FOXP1: variants seen among roughly 807,000 people sequenced by gnomAD.
The protein encoded by FOXP1 is forkhead box P1, also known as forkhead box protein P1.
A neutral mutation model predicts 98.2 loss-of-function variants in FOXP1; 15 were observed. The ratio of observed to expected loss-of-function variants is 0.15; its 90% CI spans 0.10 to 0.24. The LOEUF (loss-of-function observed/expected upper bound fraction) is 0.24, where lower values mean the gene tolerates loss of function less well. FOXP1 is among the 10% of genes least tolerant of loss of function. FOXP1 has a pLI of 1.00. For synonymous variants in FOXP1, 371 were observed against 314.5 expected (o/e 1.18, Z -1.90); for missense variants, 633 against 848.5 (o/e 0.75, Z 3.15).
At chr3:71,566,731 A>G (rs2046940930) in intron 2 of FOXP1, among the ~76,000 whole-genome samples, 1 of 152,056 alleles carries the variant, frequency 6.6e-6, no homozygotes, top group South Asian at 2.1e-4. Context: ...GAAAAAAAGC[A>G]CTGTGCCCTC....
chr3:71,095,416 C>A (rs56841225), intron 7 of FOXP1, among the ~76,000 whole-genome samples: 2 of 151,976 alleles, frequency 1.3e-5, no homozygotes, highest in South Asian at 4.1e-4. Flanking sequence ...AATTCCAGAA[C>A]AGTTGTAGAA....
At chr3:71,196,743 A>C (rs2063325387) in intron 6 of FOXP1, among the ~76,000 whole-genome samples, 1 of 152,192 alleles carries the variant, frequency 6.6e-6, no homozygotes, top group Admixed American at 6.5e-5. Context: ...TTTGCTAACA[A>C]CCTCACTGGT....
rs869086663 is a variant in FOXP1, at chr3:71,404,120, C to CTTTTTTTTTTTTTTTTTT, written c.-167-44894_-167-44877dup. Among the ~76,000 whole-genome samples the CTTTTTTTTTTTTTTTTTT allele has an allele frequency of 1.2e-3, 75 of 62,708 alleles. 1 individual carries two copies. Among genetic ancestry groups the CTTTTTTTTTTTTTTTTTT allele is most frequent in the Admixed American group, 1.5e-3 (6 of 3,902 alleles). 41.1% of individuals were successfully genotyped at this position (62,708 alleles called of 152,430 possible). A position where few individuals can be genotyped will look rare whatever the true frequency, so the allele number is the denominator to read the frequency against. The stretch of plus-strand genomic sequence containing the variant: ...ATTGGGGTTTTTTTCTTTTCTTTTT[C>CTTTTTTTTTTTTTTTTTT]TTTTTTTTTTTTTTTTTTTTTTTTG... On this transcript the variant is annotated intron_variant, in intron 3 of 20. Coordinates refer to ENST00000649528, the MANE Select transcript of FOXP1 (RefSeq NM_001349338.3).
chr3:71,295,654 T>C (rs2073210118), intron 5 of FOXP1, among the ~76,000 whole-genome samples: 1 of 152,232 alleles, frequency 6.6e-6, no homozygotes, highest in African/African-American at 2.4e-5. Context: ...CTATATGGCC[T>C]TGATGATTAT....
rs71875262 is a variant in FOXP1, at chr3:71,329,585, GAA to G, written c.-73+29563_-73+29564del. On this transcript the variant is annotated intron_variant, in intron 4 of 20. Transcript: ENST00000649528. ...CCAGGGCATCAGAGAGCAAAATGTT[GAA>G]AAAAAAAAAAAAAGACAGGATCTTC... Among the ~76,000 whole-genome samples, 1,296 of 140,576 alleles carry G rather than the reference GAA, an allele frequency of 9.2e-3. 33 individuals are homozygous for G. The highest frequency in any genetic ancestry group is 6.5e-3 in the Non-Finnish European group (425 of 65,314). 92.2% of individuals were successfully genotyped at this position (140,576 alleles called of 152,430 possible).
chr3:71,113,800 ACCGCCAT>A, intron 6 of FOXP1, among the ~76,000 whole-genome samples: 1 of 151,822 alleles, frequency 6.6e-6, no homozygotes, highest in East Asian at 2.0e-4. Context: ...TCATCAATAA[ACCGCCAT>A]GAAGACATTC....
chr3:70,961,511 G>T (rs1476304677), intron 20 of FOXP1, among the ~76,000 whole-genome samples: 1 of 152,154 alleles, frequency 6.6e-6, no homozygotes, highest in Non-Finnish European at 1.5e-5. Context: ...GATTACAGGC[G>T]TGAGACACCA....
chr3:70,990,553 C>A (rs1444344415), intron 13 of FOXP1, among the ~76,000 whole-genome samples: 2 of 152,180 alleles, frequency 1.3e-5, no homozygotes, highest in African/African-American at 2.4e-5. Flanking sequence ...AGCATTTCCT[C>A]TTAAACTATG....
In FOXP1 at chr3:71,406,452, G is replaced by A. The variant is rs541200374; in HGVS notation, c.-167-47208C>T. 7.3e-5 allele frequency among the ~76,000 whole-genome samples: 9 copies of A among 122,552 alleles called. 1 individual carries two copies. The highest frequency in any genetic ancestry group is 2.0e-4 in the East Asian group (1 of 5,120). 80.4% of individuals were successfully genotyped at this position (122,552 alleles called of 152,430 possible). ...TACAGTATGATTTTTTGACACATGC[G>A]TATCTTGTGTGAAAATCAAATCAGG... On this transcript the variant is annotated intron_variant, in intron 3 of 20. Coordinates refer to ENST00000649528, the MANE Select transcript of FOXP1 (RefSeq NM_001349338.3).
At chr3:71,154,557 C>A (rs2060727597) in intron 6 of FOXP1, among the ~76,000 whole-genome samples, 1 of 152,294 alleles carries the variant, frequency 6.6e-6, no homozygotes, top group Non-Finnish European at 1.5e-5. Flanking sequence ...ACTGTTGGTT[C>A]TTTGGTTCCG....
intron 4 of FOXP1, among the ~76,000 whole-genome samples, chr3:71,319,458 A>C (rs2075271894): frequency 1.3e-5 from 2 of 152,190 alleles, no homozygotes; most frequent in South Asian, 4.1e-4. Flanking sequence ...GAAATTTAAA[A>C]AAAGATTTAA....
chr3:70,967,710 G>GTTTTTTTTTTTTTTTTTTTTTTT (rs756777959), intron 19 of FOXP1, among the ~76,000 whole-genome samples: 98 of 68,834 alleles, frequency 1.4e-3, no homozygotes, highest in East Asian at 3.1e-3. Context: ...GTTTTTTTTT[G>GTTTTTTTTTTTTTTTTTTTTTTT]TTTTTTTTTT....
At chr3:71,582,464 G>A in intron 1 of FOXP1, 2 of 985,400 alleles carry the variant, frequency 2.0e-6, no homozygotes, top group South Asian at 9.4e-5. Flanking sequence ...CAGGAATAGA[G>A]CGCAGGGAGC....
intron 4 of FOXP1, among the ~76,000 whole-genome samples, chr3:71,346,122 G>A (rs1271749238): frequency 6.6e-6 from 1 of 152,180 alleles, no homozygotes; most frequent in Non-Finnish European, 1.5e-5. Context: ...GGGCTAGCAT[G>A]CTTATGTAAG....
intron 14 of FOXP1, among the ~76,000 whole-genome samples, chr3:70,986,638 G>A (rs1388954928): frequency 2.6e-5 from 4 of 152,148 alleles, no homozygotes; most frequent in Non-Finnish European, 4.4e-5. Flanking sequence ...AGAAGGAGGG[G>A]TTGCTAGAAA....
intron 3 of FOXP1, among the ~76,000 whole-genome samples, chr3:71,426,546 C>T (rs2084172145): frequency 6.6e-6 from 1 of 152,186 alleles, no homozygotes; most frequent in Non-Finnish European, 1.5e-5. Context: ...GGGAGGGTTA[C>T]TGTGGCTATA....
At chr3:71,253,781 C>A (rs557427421) in intron 5 of FOXP1, among the ~76,000 whole-genome samples, 2 of 151,868 alleles carry the variant, frequency 1.3e-5, no homozygotes, top group African/African-American at 2.4e-5. Context: ...ATAATAAATA[C>A]GCCAAATGAA....
chr3:71,542,729 T>C (rs959201659), intron 2 of FOXP1, among the ~76,000 whole-genome samples: 2 of 152,194 alleles, frequency 1.3e-5, no homozygotes, highest in Non-Finnish European at 2.9e-5. Flanking sequence ...CCAAAGGAAC[T>C]GTCTTGAAGG....
intron 20 of FOXP1, among the ~76,000 whole-genome samples, chr3:70,965,523 G>A (rs994614761): frequency 9.2e-5 from 14 of 151,942 alleles, no homozygotes; most frequent in African/African-American, 2.9e-4. Flanking sequence ...TTTTTCTCTC[G>A]GCTAGGTTCA....
Sources: allele counts gnomAD v4.1 joint callset (sites outside exome capture counted in the v4.1 genomes callset), GRCh38; gene constraint gnomAD v4.1.1; transcripts MANE v1.5; gene names NCBI Gene and HGNC (gene_info 2026-07-23, HGNC 2026-07-21).